SUSD4: variants seen among roughly 807,000 people sequenced by gnomAD.
SUSD4 encodes sushi domain-containing protein 4.
A neutral mutation model predicts 50.5 loss-of-function variants in SUSD4; 41 were observed. The ratio of observed to expected loss-of-function variants is 0.81; its 90% CI spans 0.63 to 1.05. The LOEUF (loss-of-function observed/expected upper bound fraction) is 1.05. Among genes scored for constraint, SUSD4 ranks in the 50% least tolerant of loss-of-function variants. The pLI, the probability that SUSD4 is intolerant of heterozygous loss-of-function variation, is 0.00. For missense variants in SUSD4, 580 were observed against 634.7 expected, an observed-to-expected ratio of 0.91 and a Z score of 0.93; for synonymous variants, 257 against 257.3, an observed-to-expected ratio of 1.00 and a Z score of 0.01.
At chr1:223,349,648 C>T (rs759981960) in intron 2 of SUSD4, among the ~76,000 whole-genome samples, 53 of 152,192 alleles carry the variant, frequency 3.5e-4, no homozygotes, top group Non-Finnish European at 6.6e-4. Context: ...TCACCATATA[C>T]AAACACTGGC....
intron 3 of SUSD4, among the ~76,000 whole-genome samples, chr1:223,283,330 C>T (rs1406583476): frequency 2.0e-5 from 3 of 152,140 alleles, no homozygotes; most frequent in African/African-American, 4.8e-5. Flanking sequence ...GCAATCTACT[C>T]ATCTGACAAA....
chr1:223,330,640 T>C (rs17163816), intron 2 of SUSD4, among the ~76,000 whole-genome samples: 80,844 of 152,006 alleles, frequency 0.53, 21,516 homozygotes, highest in African/African-American at 0.56. Context: ...TTAATAGAAA[T>C]AAAACTGCAT....
intron 2 of SUSD4, among the ~76,000 whole-genome samples, chr1:223,296,474 C>T (rs146463027): frequency 4.7e-4 from 71 of 152,198 alleles, no homozygotes; most frequent in African/African-American, 1.7e-3. Context: ...GGAGCATGAG[C>T]CAGAAGTTCT....
chr1:223,252,656 G>C (rs190446138), intron 5 of SUSD4, among the ~76,000 whole-genome samples: 58 of 152,038 alleles, frequency 3.8e-4, no homozygotes, highest in African/African-American at 1.3e-3. Flanking sequence ...GTAGGCACAG[G>C]TGTTTACTTG....
intron 2 of SUSD4, among the ~76,000 whole-genome samples, chr1:223,320,537 G>A (rs1666512877): frequency 6.6e-6 from 1 of 152,214 alleles, no homozygotes; most frequent in Non-Finnish European, 1.5e-5. Context: ...AACACGGGTA[G>A]CAGAAGTGGG....
chr1:223,224,947 G>A (rs752569984), intron 7 of SUSD4, among the ~76,000 whole-genome samples: 1 of 131,166 alleles, frequency 7.6e-6, no homozygotes, highest in Non-Finnish European at 1.5e-5. Flanking sequence ...TTGGCTCACT[G>A]AAACCTCCGC....
chr1:223,340,813 C>T (rs887462318), intron 2 of SUSD4, among the ~76,000 whole-genome samples: 2 of 152,182 alleles, frequency 1.3e-5, no homozygotes, highest in Admixed American at 6.5e-5. Context: ...CTGCTGAACT[C>T]CCCGGAGGAA....
rs536245526 is a variant in SUSD4 at position 223,327,366 on chromosome 1, A to G, written c.149-34715T>C. On this transcript the variant is annotated intron_variant, in intron 2 of 8. Coordinates refer to ENST00000366878, the MANE Select transcript of SUSD4 (RefSeq NM_017982.4). ...TGGGAGTAGGGAATAGGGATAAAAA[A>G]CTACATATTAGGTACAATGTACATG... is the stretch of plus-strand genomic sequence containing the variant. Among the ~76,000 whole-genome samples the G allele has an allele frequency of 1.1e-4, 16 of 152,318 alleles. No individual in the cohort carries two copies. In the South Asian group the frequency reaches 3.1e-3, roughly 30 times the overall value.
Position 223,222,137 on chromosome 1 carries a change from G to T in SUSD4, c.*55C>A. 1 of 1,589,964 alleles carries T rather than the reference G, an allele frequency of 6.3e-7. No homozygotes were observed. Among genetic ancestry groups the T allele is most frequent in the Non-Finnish European group, 8.6e-7 (1 of 1,165,790 alleles). On this transcript the variant is annotated 3_prime_UTR_variant, in exon 9 of 9. Transcript: ENST00000366878. ...CTATCCTTCTGTGACCTCACTCCAAGATACAAGGTCCTTTCCCCGAAGGAG... is the reference window on the plus strand; with the variant it reads ...CTATCCTTCTGTGACCTCACTCCAATATACAAGGTCCTTTCCCCGAAGGAG...
intron 2 of SUSD4, among the ~76,000 whole-genome samples, chr1:223,293,712 A>C (rs1664646001): frequency 6.6e-6 from 1 of 152,190 alleles, no homozygotes. Flanking sequence ...GAGGAGACCT[A>C]AGAAATTTTG....
intron 3 of SUSD4, among the ~76,000 whole-genome samples, chr1:223,283,413 G>A (rs577034374): frequency 6.6e-6 from 1 of 152,252 alleles, no homozygotes; most frequent in South Asian, 2.1e-4. Context: ...CATCAAAAAT[G>A]GGTGAAGGAT....
intron 4 of SUSD4, among the ~76,000 whole-genome samples, chr1:223,267,659 C>G (rs1662587685): frequency 6.6e-6 from 1 of 152,072 alleles, no homozygotes; most frequent in South Asian, 2.1e-4. Flanking sequence ...TGTAAGGAAA[C>G]TATTTATTTC....
intron 5 of SUSD4, among the ~76,000 whole-genome samples, chr1:223,247,165 G>A (rs1266596722): frequency 6.6e-6 from 1 of 152,172 alleles, no homozygotes; most frequent in Non-Finnish European, 1.5e-5. Context: ...ACCCCACACA[G>A]CTCGTGGGAG....
intron 2 of SUSD4, among the ~76,000 whole-genome samples, chr1:223,325,188 C>T (rs1393942226): frequency 3.3e-5 from 5 of 152,112 alleles, no homozygotes; most frequent in Non-Finnish European, 7.4e-5. Context: ...AAAAACTTTG[C>T]AGTGTGCTGA....
chr1:223,358,072 C>CT (rs1668764688), intron 2 of SUSD4, among the ~76,000 whole-genome samples: 1 of 152,182 alleles, frequency 6.6e-6, no homozygotes, highest in African/African-American at 2.4e-5. Flanking sequence ...ATAAATAACA[C>CT]TAACACGGAA....
chr1:223,287,066 G>T (rs1664192537), intron 3 of SUSD4, among the ~76,000 whole-genome samples: 1 of 152,172 alleles, frequency 6.6e-6, no homozygotes, highest in African/African-American at 2.4e-5. Context: ...GACTTACAGA[G>T]GTAGCTTTGT....
intron 5 of SUSD4, among the ~76,000 whole-genome samples, chr1:223,259,529 C>T (rs1661948945): frequency 6.6e-6 from 1 of 152,216 alleles, no homozygotes; most frequent in African/African-American, 2.4e-5. Context: ...GAGCTGCCCC[C>T]AGAAATTTCT....
At position 223,300,225 on chromosome 1, in the gene SUSD4, G is replaced by T. The variant is rs182107018; in HGVS notation, c.149-7574C>A. On this transcript the variant is annotated intron_variant, in intron 2 of 8. Coordinates refer to ENST00000366878, the MANE Select transcript of SUSD4 (RefSeq NM_017982.4). ...CACCGTCACTGGCACCCATTTTCCTGCCCAGCATTTGTGACCTCAGGAACA... is the reference window on the plus strand; with the variant it reads ...CACCGTCACTGGCACCCATTTTCCTTCCCAGCATTTGTGACCTCAGGAACA... Among the ~76,000 whole-genome samples the T allele has an allele frequency of 5.7e-3, 873 of 152,212 alleles. 10 individuals carry two copies. The highest frequency in any genetic ancestry group is 7.8e-3 in the Non-Finnish European group (532 of 68,014).
intron 3 of SUSD4, among the ~76,000 whole-genome samples, chr1:223,285,790 T>C (rs1009873507): frequency 6.6e-6 from 1 of 152,124 alleles, no homozygotes; most frequent in African/African-American, 2.4e-5. Context: ...AGCTAAGCAA[T>C]GATAACATGT....
Sources: gnomAD v4.1 joint callset for allele counts (sites outside exome capture counted in the v4.1 genomes callset) on GRCh38, gnomAD v4.1.1 for gene constraint, MANE v1.5 for transcripts, NCBI Gene and HGNC (gene_info 2026-07-23, HGNC 2026-07-21) for gene names.